The following SPECC1 variants were observed in gnomAD, a reference collection of about 807,000 sequenced individuals.
The protein encoded by SPECC1 is cytospin-B.
SPECC1 carries 62 observed loss-of-function variants against 104.1 expected under a neutral mutation model. That is an observed-to-expected ratio of 0.60 (90% CI 0.49 to 0.74). The LOEUF (loss-of-function observed/expected upper bound fraction) is 0.74, where lower values mean the gene tolerates loss of function less well. Ranked by LOEUF, SPECC1 falls within the 30% of genes least tolerant of loss-of-function variation. The pLI is 0.00. For missense variants in SPECC1, 1,306 were observed against 1,310.5 expected (o/e 1.00, Z 0.05); for synonymous variants, 513 against 501.6 (o/e 1.02, Z -0.30).
intron 3 of SPECC1, among the ~76,000 whole-genome samples, chr17:20,182,786 G>A (rs1308776964): frequency 6.6e-6 from 1 of 152,218 alleles, no homozygotes; most frequent in Non-Finnish European, 1.5e-5. Flanking sequence ...GAACCAAGGT[G>A]ATGCATGATA....
At chr17:20,135,932 A>G (rs1268636328) in intron 3 of SPECC1, among the ~76,000 whole-genome samples, 2 of 152,196 alleles carry the variant, frequency 1.3e-5, no homozygotes, top group Non-Finnish European at 2.9e-5. Flanking sequence ...TGGCTGTGTG[A>G]CCTTAAGCAA....
intron 2 of SPECC1, among the ~76,000 whole-genome samples, chr17:20,108,071 G>A (rs188122022): frequency 6.6e-6 from 1 of 152,302 alleles, no homozygotes. Context: ...TGTTTAATGA[G>A]TAGACTTTAT....
intron 4 of SPECC1, among the ~76,000 whole-genome samples, chr17:20,207,288 T>C (rs1442587125): frequency 6.6e-6 from 1 of 152,216 alleles, no homozygotes; most frequent in Non-Finnish European, 1.5e-5. Flanking sequence ...ATGAGCTTAG[T>C]GGTGGGTCAT....
chr17:20,094,149 G>T (rs2047536083), intron 1 of SPECC1, among the ~76,000 whole-genome samples: 1 of 152,118 alleles, frequency 6.6e-6, no homozygotes, highest in Non-Finnish European at 1.5e-5. Context: ...AGCCGAAGAT[G>T]CTCAGGAAAG....
chr17:20,038,968 T>C (rs1459544447), intron 1 of SPECC1, among the ~76,000 whole-genome samples: 1 of 152,194 alleles, frequency 6.6e-6, no homozygotes, highest in Non-Finnish European at 1.5e-5. Flanking sequence ...TACCATATGT[T>C]TCACCCACTT....
chr17:20,158,541 G>T (rs544386520), intron 3 of SPECC1, among the ~76,000 whole-genome samples: 2 of 152,322 alleles, frequency 1.3e-5, no homozygotes, highest in East Asian at 3.9e-4. Context: ...CTTGATGGGG[G>T]AGCTCCCTAG....
intron 3 of SPECC1, among the ~76,000 whole-genome samples, chr17:20,160,439 A>G (rs1462897878): frequency 6.6e-6 from 1 of 152,176 alleles, no homozygotes; most frequent in Non-Finnish European, 1.5e-5. Context: ...AGACTCAGTC[A>G]CAGAGACCCA....
At chr17:20,052,291 T>C (rs1288943604) in intron 1 of SPECC1, among the ~76,000 whole-genome samples, 1 of 152,206 alleles carries the variant, frequency 6.6e-6, no homozygotes, top group East Asian at 1.9e-4. Flanking sequence ...TTCATTTCCA[T>C]GAATTGTCAT....
At chr17:20,209,135 G>T (rs1182313919) in intron 4 of SPECC1, among the ~76,000 whole-genome samples, 1 of 152,040 alleles carries the variant, frequency 6.6e-6, no homozygotes, top group African/African-American at 2.4e-5. Flanking sequence ...GCATTCCTGG[G>T]GTAAATCCTA....
intron 1 of SPECC1, among the ~76,000 whole-genome samples, chr17:20,042,792 C>G (rs1313558492): frequency 6.6e-6 from 1 of 152,118 alleles, no homozygotes; most frequent in African/African-American, 2.4e-5. Context: ...AGCTCCAAGT[C>G]TGAGATAATG....
chr17:20,247,366 C>A, intron 9 of SPECC1, 47 bp downstream of exon 9: 3 of 1,386,926 alleles, frequency 2.2e-6, no homozygotes, highest in African/African-American at 1.4e-5. Flanking sequence ...TGCTGTGTAT[C>A]CCTCTAGATG....
intron 13 of SPECC1, among the ~76,000 whole-genome samples, chr17:20,300,924 A>T (rs1193066778): frequency 1.3e-5 from 2 of 152,184 alleles, no homozygotes; most frequent in Non-Finnish European, 2.9e-5. Context: ...GCCTCACAGT[A>T]ATCTTGAATT....
chr17:20,316,966 C>G lies in SPECC1; in HGVS notation c.*2901C>G, dbSNP rs529394551. The stretch of plus-strand genomic sequence containing the variant: ...CAAACTCCCCCATTTTTGTCTGTAT[C>G]CTGCTCTCTTTAGGTTAAAAAGAAG... On this transcript the variant is annotated 3_prime_UTR_variant, in exon 15 of 15. Transcript: ENST00000395527. 92 of 214,974 alleles carry G rather than the reference C, an allele frequency of 4.3e-4. No individual in the cohort carries two copies. Among genetic ancestry groups the G allele is most frequent in the African/African-American group, 1.5e-3 (68 of 44,334 alleles). 13.3% of individuals were successfully genotyped at this position (214,974 alleles called of 1,614,324 possible).
At position 20,204,650 on chromosome 17, in the gene SPECC1, A is replaced by G. The variant is rs1437598524; in HGVS notation, c.601A>G (p.Asn201Asp). ...GAAATACAAAGAGAAAAGGACTCTGAACGCTGAGGGGACTGATGCTTTGGG... is the reference window on the plus strand; with the variant it reads ...GAAATACAAAGAGAAAAGGACTCTGGACGCTGAGGGGACTGATGCTTTGGG... ...LKKYKEKRTLNAEGTDALGPN... is the reference protein window; with the variant it reads ...LKKYKEKRTLDAEGTDALGPN... Residue 201 changes from asparagine (N) to aspartate (D), a missense_variant, in exon 4 of 15, where the codon AAC becomes GAC. By Grantham distance (23) the Asn-to-Asp change is conservative (BLOSUM62 1). Transcript: ENST00000395527. The G allele has an allele frequency of 1.2e-6, 2 of 1,614,004 alleles. No homozygotes were observed. Among genetic ancestry groups the G allele is most frequent in the East Asian group, 2.2e-5 (1 of 44,900 alleles).
intron 14 of SPECC1, 136 bp downstream of exon 14, chr17:20,306,218 G>A (rs2041760055): frequency 1.5e-6 from 1 of 677,758 alleles, no homozygotes; most frequent in African/African-American, 1.8e-5. Context: ...CTAATATAGA[G>A]TTATCCAGTT....
intron 12 of SPECC1, among the ~76,000 whole-genome samples, chr17:20,274,323 G>C (rs2151643545): frequency 6.6e-6 from 1 of 152,296 alleles, no homozygotes; most frequent in East Asian, 1.9e-4. Context: ...ATGAGAGCAG[G>C]ACCTGAGTGC....
chr17:20,188,531 C>CTGAGA (rs2035437561), intron 3 of SPECC1, among the ~76,000 whole-genome samples: 1 of 152,148 alleles, frequency 6.6e-6, no homozygotes. Flanking sequence ...CCTGCCTTGG[C>CTGAGA]CTCCCAAAGT....
chr17:20,174,082 C>T (rs965166672), intron 3 of SPECC1, among the ~76,000 whole-genome samples: 1 of 152,054 alleles, frequency 6.6e-6, no homozygotes, highest in African/African-American at 2.4e-5. Context: ...CAGGCATGTG[C>T]CACCACATTT....
chr17:20,059,486 G>A (rs2046098939), intron 1 of SPECC1, among the ~76,000 whole-genome samples: 1 of 152,158 alleles, frequency 6.6e-6, no homozygotes, highest in Non-Finnish European at 1.5e-5. Flanking sequence ...ATGAACTGGG[G>A]GTTGGGGACC....
Sources: allele counts gnomAD v4.1 joint callset (sites outside exome capture counted in the v4.1 genomes callset), GRCh38; gene constraint gnomAD v4.1.1; transcripts MANE v1.5; gene names NCBI Gene and HGNC (gene_info 2026-07-23, HGNC 2026-07-21).